HIPK2: variants seen among roughly 807,000 people sequenced by gnomAD.
HIPK2 encodes homeodomain interacting protein kinase 2, also known as homeodomain-interacting protein kinase 2.
Under a neutral mutation model 113.7 loss-of-function variants are expected in HIPK2, and 27 were observed. The ratio of observed to expected loss-of-function variants is 0.24; its 90% confidence interval spans 0.17 to 0.33. The LOEUF is 0.33. Ranked by LOEUF, HIPK2 falls within the 10% of genes least tolerant of loss-of-function variation. The pLI is 1.00. For synonymous variants in HIPK2, 631 were observed against 642.2 expected, an observed-to-expected ratio of 0.98 and a Z score of 0.26; for missense variants, 1,257 against 1,588.0, an observed-to-expected ratio of 0.79 and a Z score of 3.54.
chr7:139,774,577 C>A (rs916438935), intron 1 of HIPK2, among the ~76,000 whole-genome samples: 1 of 152,220 alleles, frequency 6.6e-6, no homozygotes, highest in Non-Finnish European at 1.5e-5. Flanking sequence ...AGATAGGCAT[C>A]TTCAGGTCCA....
At chr7:139,642,206 G>T (rs551289715) in intron 2 of HIPK2, among the ~76,000 whole-genome samples, 1 of 152,216 alleles carries the variant, frequency 6.6e-6, no homozygotes, top group South Asian at 2.1e-4. Context: ...TTTCAGATGG[G>T]TTGTTAAATC....
intron 1 of HIPK2, among the ~76,000 whole-genome samples, chr7:139,732,421 G>C (rs929445930): frequency 2.6e-5 from 4 of 152,218 alleles, no homozygotes; most frequent in African/African-American, 9.6e-5. Context: ...TGCCCACTCA[G>C]ATAATACTGG....
At chr7:139,667,420 A>T (rs758695024) in intron 2 of HIPK2, among the ~76,000 whole-genome samples, 3 of 152,360 alleles carry the variant, frequency 2.0e-5, no homozygotes, top group Non-Finnish European at 4.4e-5. Context: ...GGATATAAAA[A>T]TATTCATGGC....
At chr7:139,769,779 T>C (rs774511600) in intron 1 of HIPK2, among the ~76,000 whole-genome samples, 4 of 152,200 alleles carry the variant, frequency 2.6e-5, no homozygotes, top group Non-Finnish European at 5.9e-5. Context: ...TTGGAGTACA[T>C]CACTGTAACA....
chr7:139,663,432 C>T (rs969504930), intron 2 of HIPK2, among the ~76,000 whole-genome samples: 1 of 150,944 alleles, frequency 6.6e-6, no homozygotes, highest in Admixed American at 6.6e-5. Flanking sequence ...CTGGAGGCCT[C>T]GTGGGCTTCC....
At chr7:139,578,813 G>C (rs1365057140) in intron 13 of HIPK2, among the ~76,000 whole-genome samples, 1 of 152,160 alleles carries the variant, frequency 6.6e-6, no homozygotes, top group Non-Finnish European at 1.5e-5. Flanking sequence ...TGGGATTACA[G>C]GTGTGTGCCA....
chr7:139,735,822 A>G (rs1795922534), intron 1 of HIPK2, among the ~76,000 whole-genome samples: 1 of 152,192 alleles, frequency 6.6e-6, no homozygotes, highest in Admixed American at 6.5e-5. Context: ...ACCCATTTTT[A>G]TTTAAGATTC....
intron 6 of HIPK2, among the ~76,000 whole-genome samples, chr7:139,623,646 T>C (rs1289223086): frequency 6.6e-6 from 1 of 152,052 alleles, no homozygotes; most frequent in Non-Finnish European, 1.5e-5. Context: ...AGAGGCACTA[T>C]CTGTTTGTTG....
intron 2 of HIPK2, among the ~76,000 whole-genome samples, chr7:139,646,568 T>TTC (rs1801238209): frequency 6.6e-6 from 1 of 151,810 alleles, no homozygotes; most frequent in Non-Finnish European, 1.5e-5. Context: ...CTGCTCCATC[T>TTC]TCTCATTAAC....
intron 1 of HIPK2, among the ~76,000 whole-genome samples, chr7:139,732,789 CATATAATAT>C (rs949323252): frequency 1.4e-5 from 2 of 143,622 alleles, no homozygotes; most frequent in Non-Finnish European, 3.0e-5. Flanking sequence ...CATTATATAA[CATATAATAT>C]ATATAACATA....
At chr7:139,762,216 A>G (rs765778039) in intron 1 of HIPK2, among the ~76,000 whole-genome samples, 22 of 152,218 alleles carry the variant, frequency 1.4e-4, no homozygotes, top group Non-Finnish European at 2.8e-4. Flanking sequence ...CATTGCTTAG[A>G]TGATTCTCTG....
At chr7:139,633,670 C>T (rs1371790448) in intron 2 of HIPK2, among the ~76,000 whole-genome samples, 2 of 149,210 alleles carry the variant, frequency 1.3e-5, no homozygotes, top group African/African-American at 2.5e-5. Context: ...AGGGGTTAGG[C>T]GCAGTGGTTC....
chr7:139,634,608 A>G (rs2116316648), intron 2 of HIPK2, among the ~76,000 whole-genome samples: 1 of 150,718 alleles, frequency 6.6e-6, no homozygotes, highest in South Asian at 2.1e-4. Context: ...CAGTGCCTTT[A>G]GAGATCGTTT....
At position 139,562,277 on chromosome 7, in the gene HIPK2, T is replaced by G. The variant is rs1266831991; in HGVS notation, c.*10650A>C. The G allele has an allele frequency of 6.6e-6, 1 of 152,190 alleles. No individual in the cohort carries two copies. The highest frequency in any genetic ancestry group is 6.5e-5 in the Admixed American group (1 of 15,270). The allele number at this position is 152,190 out of a possible 1,614,324, so 9.4% of individuals were successfully genotyped here. A position where few individuals can be genotyped will look rare whatever the true frequency, so the allele number is the denominator to read the frequency against. The stretch of plus-strand genomic sequence containing the variant: ...GGAACACAACAGACCAGGGCTTTCA[T>G]AGGGTTATTGAGATTGAGCTGAGAT... On this transcript the variant is annotated 3_prime_UTR_variant, in exon 15 of 15. Coordinates refer to ENST00000406875, the MANE Select transcript of HIPK2 (RefSeq NM_022740.5).
intron 2 of HIPK2, among the ~76,000 whole-genome samples, chr7:139,658,306 CAAA>C (rs56399449): frequency 0.024 from 3,342 of 137,572 alleles, 100 homozygotes; most frequent in African/African-American, 0.077. Flanking sequence ...AACTTGGTCT[CAAA>C]AAAAAAAAAA....
chr7:139,771,136 C>A (rs1465355219), intron 1 of HIPK2, among the ~76,000 whole-genome samples: 1 of 152,124 alleles, frequency 6.6e-6, no homozygotes. Flanking sequence ...CCTTGGAGAA[C>A]CTAGTAAAAC....
chr7:139,574,949 C>T (rs1049208197), intron 14 of HIPK2, 179 bp downstream of exon 14: 2 of 332,936 alleles, frequency 6.0e-6, no homozygotes, highest in East Asian at 1.7e-4. Context: ...TCAACTTCCC[C>T]AAGGGTGACC....
chr7:139,761,353 T>C (rs1269916506), intron 1 of HIPK2, among the ~76,000 whole-genome samples: 1 of 152,196 alleles, frequency 6.6e-6, no homozygotes. Context: ...TGCTGGTCTC[T>C]AGGGGGAAAG....
intron 5 of HIPK2, among the ~76,000 whole-genome samples, chr7:139,627,559 TGTG>T (rs1800477223): frequency 6.6e-6 from 1 of 152,230 alleles, no homozygotes; most frequent in Non-Finnish European, 1.5e-5. Context: ...AGGCTTGTTT[TGTG>T]GTGATTTCTG....
Sources: gnomAD v4.1 joint callset for allele counts (sites outside exome capture counted in the v4.1 genomes callset) on GRCh38, gnomAD v4.1.1 for gene constraint, MANE v1.5 for transcripts, NCBI Gene and HGNC (gene_info 2026-07-23, HGNC 2026-07-21) for gene names.